LRRC37A2: variants seen among roughly 807,000 people sequenced by gnomAD.
The protein encoded by LRRC37A2 is leucine-rich repeat-containing protein 37A2.
In LRRC37A2, 9 loss-of-function variants were observed where a neutral mutation model predicts 68.8. That is an observed-to-expected ratio of 0.13 (90% CI 0.08 to 0.23). The LOEUF is 0.23. Ranked by LOEUF, LRRC37A2 falls within the 10% of genes least tolerant of loss-of-function variation. The pLI, the probability that LRRC37A2 is intolerant of heterozygous loss-of-function variation, is 1.00. For synonymous variants in LRRC37A2, 63 were observed against 367.6 expected (o/e 0.17, Z 9.48); for missense variants, 168 against 950.4 (o/e 0.18, Z 10.82).
At chr17:46,912,621 G>A in the LRRC37A2 span, among the ~76,000 whole-genome samples, 1 of 152,178 alleles carries the variant, frequency 6.6e-6, no homozygotes, top group Non-Finnish European at 1.5e-5. Flanking sequence ...CTACTTGGTG[G>A]GTCCTGGAGG....
chr17:46,761,775 T>C, the LRRC37A2 span, among the ~76,000 whole-genome samples: 1 of 152,238 alleles, frequency 6.6e-6, no homozygotes. Context: ...TATGGGTAGG[T>C]CTGAAAACTA....
the LRRC37A2 span, among the ~76,000 whole-genome samples, chr17:47,033,915 G>C: frequency 6.6e-6 from 1 of 152,298 alleles, no homozygotes; most frequent in South Asian, 2.1e-4. Flanking sequence ...CTGGAAAAAA[G>C]CTTGCCACAT....
At chr17:46,919,489 G>C in the LRRC37A2 span, among the ~76,000 whole-genome samples, 1 of 152,144 alleles carries the variant, frequency 6.6e-6, no homozygotes, top group Non-Finnish European at 1.5e-5. Flanking sequence ...TTCCTTATCT[G>C]CCTTATCCAC....
At chr17:46,923,270 G>A in the LRRC37A2 span, 2 of 1,550,510 alleles carry the variant, frequency 1.3e-6, no homozygotes, top group South Asian at 1.2e-5. Flanking sequence ...GCGAGGCCAG[G>A]TGAGCCTGGC....
chr17:46,902,731 C>G, the LRRC37A2 span, among the ~76,000 whole-genome samples: 4 of 152,072 alleles, frequency 2.6e-5, no homozygotes, highest in Non-Finnish European at 5.9e-5. Flanking sequence ...CCACAGATAC[C>G]GTGAGTAGCC....
the LRRC37A2 span, among the ~76,000 whole-genome samples, chr17:46,750,258 C>A: frequency 6.6e-6 from 1 of 152,154 alleles, no homozygotes; most frequent in Non-Finnish European, 1.5e-5. Context: ...GAGGCTGAAG[C>A]AGGAGAATCT....
the LRRC37A2 span, among the ~76,000 whole-genome samples, chr17:46,971,514 T>C: frequency 6.6e-6 from 1 of 152,148 alleles, no homozygotes; most frequent in Non-Finnish European, 1.5e-5. Context: ...CTATATCCTT[T>C]GCTGACCTTG....
At chr17:47,012,606 C>T in the LRRC37A2 span, among the ~76,000 whole-genome samples, 1 of 152,024 alleles carries the variant, frequency 6.6e-6, no homozygotes, top group Admixed American at 6.6e-5. Flanking sequence ...TATACAATGG[C>T]CAATAAGCAC....
the LRRC37A2 span, among the ~76,000 whole-genome samples, chr17:46,675,722 T>G: frequency 4.7e-5 from 6 of 128,696 alleles, no homozygotes; most frequent in African/African-American, 1.9e-4. Context: ...CTAACATATT[T>G]TTTTCATTGA....
chr17:46,874,963 C>T, the LRRC37A2 span: 6 of 1,366,454 alleles, frequency 4.4e-6, no homozygotes, highest in Non-Finnish European at 6.3e-6. Context: ...GTCCTCAAGC[C>T]ACATTCTCTT....
At chr17:46,902,014 G>A in the LRRC37A2 span, among the ~76,000 whole-genome samples, 1 of 152,048 alleles carries the variant, frequency 6.6e-6, no homozygotes, top group African/African-American at 2.4e-5. Flanking sequence ...TGCCATGTTG[G>A]CCAGGCTGGT....
chr17:46,949,414 T>A, the LRRC37A2 span: 1 of 152,136 alleles, frequency 6.6e-6, no homozygotes, highest in Non-Finnish European at 1.5e-5. Flanking sequence ...TCGGAAGTCA[T>A]AGGGCCTCTG....
chr17:46,876,402 A>G, the LRRC37A2 span: 2 of 1,613,888 alleles, frequency 1.2e-6, no homozygotes, highest in Non-Finnish European at 1.7e-6. Flanking sequence ...AGTGCCACCA[A>G]TGAGGCCTTG....
the LRRC37A2 span, among the ~76,000 whole-genome samples, chr17:46,386,116 G>C: frequency 3.2e-5 from 4 of 126,680 alleles, no homozygotes; most frequent in East Asian, 4.3e-4. Flanking sequence ...TTTTTGGAGG[G>C]AGGACAGGGT....
chr17:46,743,291 C>T, the LRRC37A2 span, among the ~76,000 whole-genome samples: 32 of 152,138 alleles, frequency 2.1e-4, no homozygotes, highest in Non-Finnish European at 3.8e-4. Context: ...CTGACCTAAC[C>T]GTATGGATTC....
the LRRC37A2 span, among the ~76,000 whole-genome samples, chr17:46,801,961 A>G: frequency 6.6e-6 from 1 of 152,368 alleles, no homozygotes; most frequent in South Asian, 2.1e-4. Context: ...CCATGTGCCC[A>G]GTATTGAAAA....
chr17:46,696,319 C>T, the LRRC37A2 span, among the ~76,000 whole-genome samples: 3 of 140,238 alleles, frequency 2.1e-5, no homozygotes, highest in Non-Finnish European at 4.4e-5. Flanking sequence ...GTTAATACCC[C>T]GACTGCAAAG....
the LRRC37A2 span, chr17:46,923,122 C>A: frequency 9.0e-7 from 1 of 1,108,040 alleles, no homozygotes; most frequent in East Asian, 2.6e-5. Flanking sequence ...AAGCCGGAAA[C>A]CGGAAGGGGG....
At chr17:46,922,550 G>A in the LRRC37A2 span, among the ~76,000 whole-genome samples, 2 of 152,142 alleles carry the variant, frequency 1.3e-5, no homozygotes, top group Non-Finnish European at 2.9e-5. Flanking sequence ...TCTTTTGAGA[G>A]TATACATATC....
Sources: allele counts gnomAD v4.1 joint callset (sites outside exome capture counted in the v4.1 genomes callset), GRCh38; gene constraint gnomAD v4.1.1; transcripts MANE v1.5; gene names NCBI Gene and HGNC (gene_info 2026-07-23, HGNC 2026-07-21).